The following CADPS variants were observed in gnomAD, a reference collection of about 807,000 sequenced individuals.
CADPS encodes the protein calcium-dependent secretion activator 1.
CADPS carries 57 observed loss-of-function variants against 167.3 expected under a neutral mutation model. That is an observed-to-expected ratio of 0.34 (90% CI 0.28 to 0.42). CADPS has a LOEUF of 0.42. Among genes scored for constraint, CADPS ranks in the 20% least tolerant of loss-of-function variants. CADPS has a pLI of 1.00. For synonymous variants in CADPS, 676 were observed against 635.3 expected, an observed-to-expected ratio of 1.06 and a Z score of -0.96; for missense variants, 1,414 against 1,738.1, an observed-to-expected ratio of 0.81 and a Z score of 3.32.
At position 62,602,039 on chromosome 3, in the gene CADPS, T is replaced by G. The variant is rs1321764377; in HGVS notation, c.1326-9291A>C. On this transcript the variant is annotated intron_variant, in intron 6 of 29. Coordinates refer to ENST00000383710, the MANE Select transcript of CADPS (RefSeq NM_003716.4). The surrounding 1 kb of genome is among the most constrained non-coding windows in gnomAD (Gnocchi z 4.4). ...ACCATATGTTATCAACAAATGTTGC[T>G]AATCAAATACACACAGTAATTTTCA... is the stretch of plus-strand genomic sequence containing the variant. Among the ~76,000 whole-genome samples the G allele has an allele frequency of 6.6e-6, 1 of 152,174 alleles. No homozygotes were observed. The highest frequency in any genetic ancestry group is 1.9e-4 in the East Asian group (1 of 5,192).
At chr3:62,532,717 TTGTGTGTG>T (rs10586016) in intron 13 of CADPS, among the ~76,000 whole-genome samples, 146 bp downstream of exon 13, 4,036 of 148,856 alleles carry the variant, frequency 0.027, 122 homozygotes, top group African/African-American at 0.08. Flanking sequence ...TTAGTGCCCT[TTGTGTGTG>T]TGTGTGTGTG....
chr3:62,481,742 C>T lies in CADPS; in HGVS notation c.3154G>A (p.Ala1052Thr). The part of the protein sequence containing the change: ...MPTFSAPSWM[A>T]AIYDADNGSG... ...ACACACTCCGCATCATATATAGCAG[C>T]CATCCATGACGGTGCCGAAAAAGTA... The change falls in exon 22 of 30, where the codon GCT becomes ACT. Residue 1052 changes from alanine to threonine, a missense_variant. Physicochemically the swap from Ala to Thr is moderately conservative, Grantham distance 58 (BLOSUM62 0). This residue lies in a region of CADPS where 529 missense variants were observed against 629.6 expected (regional missense o/e 0.84). Coordinates refer to ENST00000383710, the MANE Select transcript of CADPS (RefSeq NM_003716.4). The T allele has an allele frequency of 6.2e-7, 1 of 1,603,182 alleles. No homozygotes were observed. Among genetic ancestry groups the T allele is most frequent in the Non-Finnish European group, 8.5e-7 (1 of 1,176,900 alleles).
At chr3:62,647,873 A>G (rs1243152692) in intron 5 of CADPS, among the ~76,000 whole-genome samples, 2 of 152,224 alleles carry the variant, frequency 1.3e-5, no homozygotes, top group African/African-American at 2.4e-5. Flanking sequence ...TCACTGTGTT[A>G]TGATGAAAAA....
chr3:62,714,811 G>C (rs1231285596), intron 3 of CADPS, among the ~76,000 whole-genome samples: 1 of 151,988 alleles, frequency 6.6e-6, no homozygotes, highest in Non-Finnish European at 1.5e-5. Context: ...GTCAGTAAAA[G>C]TTTTATTTAA....
intron 1 of CADPS, among the ~76,000 whole-genome samples, chr3:62,854,025 T>C (rs2079154142): frequency 1.3e-5 from 2 of 152,174 alleles, no homozygotes; most frequent in African/African-American, 4.8e-5. Flanking sequence ...TTCTCTCATG[T>C]TGGTGTCATT....
intron 5 of CADPS, among the ~76,000 whole-genome samples, chr3:62,646,464 G>A (rs1251268236): frequency 2.0e-5 from 3 of 152,044 alleles, no homozygotes; most frequent in South Asian, 2.1e-4. Flanking sequence ...GAGCCACCAC[G>A]CGCGGCCAGG....
intron 3 of CADPS, among the ~76,000 whole-genome samples, chr3:62,686,724 G>A (rs1418431686): frequency 6.6e-6 from 1 of 151,972 alleles, no homozygotes; most frequent in African/African-American, 2.4e-5. Flanking sequence ...TGTCTGTCTT[G>A]TATTGGTGAC....
chr3:62,454,574 C>T (rs548085792), intron 26 of CADPS, among the ~76,000 whole-genome samples: 1 of 152,264 alleles, frequency 6.6e-6, no homozygotes, highest in South Asian at 2.1e-4. Context: ...AGGGAAAAGT[C>T]CTACCATGAC....
At chr3:62,585,465 C>CT (rs1275902720) in intron 7 of CADPS, 141 bp from the exon 8 acceptor site, 5 of 737,182 alleles carry the variant, frequency 6.8e-6, no homozygotes, top group Admixed American at 3.0e-5. Flanking sequence ...GAAACACATT[C>CT]TTTTGATCCT....
At chr3:62,590,271 G>A (rs892426476) in intron 7 of CADPS, among the ~76,000 whole-genome samples, 4 of 151,926 alleles carry the variant, frequency 2.6e-5, no homozygotes, top group Admixed American at 6.6e-5. Context: ...AGCATCCTGC[G>A]CTGGTCAGTT....
chr3:62,529,663 T>G (rs1043141289), intron 13 of CADPS, among the ~76,000 whole-genome samples: 4 of 152,236 alleles, frequency 2.6e-5, no homozygotes, highest in African/African-American at 9.6e-5. Context: ...TGACCTTCCC[T>G]ATTGGACCCG....
At chr3:62,426,838 G>T (rs11708188) in intron 28 of CADPS, among the ~76,000 whole-genome samples, 18,677 of 151,456 alleles carry the variant, frequency 0.12, 1,249 homozygotes, top group East Asian at 0.21. Context: ...GAGGCCGAGG[G>T]GGGCAGATCA....
At chr3:62,457,873 T>C (rs2058879486) in intron 26 of CADPS, among the ~76,000 whole-genome samples, 1 of 151,472 alleles carries the variant, frequency 6.6e-6, no homozygotes, top group South Asian at 2.1e-4. Flanking sequence ...TAAGTGGGAG[T>C]TGAACAATGA....
At chr3:62,576,355 G>A (rs1251901619) in intron 8 of CADPS, among the ~76,000 whole-genome samples, 1 of 152,184 alleles carries the variant, frequency 6.6e-6, no homozygotes. Context: ...GTAAGATGGG[G>A]ATAACCTAAC....
chr3:62,649,811 C>T (rs2150167481), intron 5 of CADPS, among the ~76,000 whole-genome samples: 1 of 152,074 alleles, frequency 6.6e-6, no homozygotes, highest in South Asian at 2.1e-4. Flanking sequence ...CTCAGCCTCT[C>T]AAAGTCCTGG....
intron 4 of CADPS, among the ~76,000 whole-genome samples, chr3:62,658,738 A>C (rs750337174): frequency 1.3e-5 from 2 of 152,088 alleles, no homozygotes; most frequent in Non-Finnish European, 2.9e-5. Context: ...ACCCTAAATG[A>C]TATATCCCCA....
intron 5 of CADPS, among the ~76,000 whole-genome samples, chr3:62,646,714 T>C (rs1168458805): frequency 6.6e-6 from 1 of 152,220 alleles, no homozygotes; most frequent in Non-Finnish European, 1.5e-5. Context: ...CGTTGTTGCC[T>C]TGTCTTTTCT....
intron 7 of CADPS, among the ~76,000 whole-genome samples, chr3:62,589,658 C>T (rs775261080): frequency 2.6e-5 from 4 of 152,192 alleles, no homozygotes; most frequent in African/African-American, 4.8e-5. Flanking sequence ...CACTGAGGGG[C>T]TGTGCACAAA....
intron 23 of CADPS, 84 bp from the exon 24 acceptor site, chr3:62,474,404 A>C (rs1454467977): frequency 8.2e-7 from 1 of 1,217,858 alleles, no homozygotes; most frequent in East Asian, 2.3e-5. Context: ...GTCAGTGAAA[A>C]AGAAAATTGA....
Sources: gnomAD v4.1 joint callset for allele counts (sites outside exome capture counted in the v4.1 genomes callset) on GRCh38, gnomAD v4.1.1 for gene constraint, gnomAD v4.1.1 regional missense constraint, Gnocchi (gnomAD v3.1) non-coding constraint, MANE v1.5 for transcripts, NCBI Gene and HGNC (gene_info 2026-07-23, HGNC 2026-07-21) for gene names.